LRRC4B: variants seen among roughly 807,000 people sequenced by gnomAD.
LRRC4B encodes the protein leucine-rich repeat-containing protein 4B.
A neutral mutation model predicts 7.3 loss-of-function variants in LRRC4B; 1 was observed. The ratio of observed to expected loss-of-function variants is 0.14; its 90% CI spans 0.05 to 0.65. The LOEUF (loss-of-function observed/expected upper bound fraction) is 0.65. Among genes scored for constraint, LRRC4B ranks in the 30% least tolerant of loss-of-function variants. LRRC4B has a pLI of 0.84. For synonymous variants in LRRC4B, 500 were observed against 499.2 expected (o/e 1.00, Z -0.02); for missense variants, 730 against 1,041.6 (o/e 0.70, Z 4.12).
At position 50,548,815 on chromosome 19, in the gene LRRC4B, C is replaced by A; in HGVS notation, c.24G>T (p.Pro8=). The A allele has an allele frequency of 2.2e-6, 3 of 1,350,488 alleles. No homozygotes were observed. Among genetic ancestry groups the A allele is most frequent in the Non-Finnish European group, 2.9e-6 (3 of 1,038,734 alleles). 83.7% of individuals were successfully genotyped at this position (1,350,488 alleles called of 1,614,324 possible). A position where few individuals can be genotyped will look rare whatever the true frequency, so the allele number is the denominator to read the frequency against. Residue 8 remains proline, a synonymous_variant, in exon 2 of 3, where the codon CCG becomes CCT. Transcript: ENST00000652263. This position sits in a 1 kb window ranked among gnomAD's most constrained non-coding sequence, Gnocchi z 6.8. MARARGS[P]CPPLPPGRMS... ...TCCTACCGGGCGGCAGCGGGGGGCA[C>A]GGGGAGCCGCGGGCACGCGCCATCC...
At chr19:50,528,051 CTCTT>C (rs773820975) in intron 2 of LRRC4B, among the ~76,000 whole-genome samples, 21 of 151,774 alleles carry the variant, frequency 1.4e-4, no homozygotes, top group Non-Finnish European at 2.4e-4. Flanking sequence ...CTCTCTCTCT[CTCTT>C]TCTTTCTGAC....
At chr19:50,567,213 C>G (rs1262672918) in intron 1 of LRRC4B, among the ~76,000 whole-genome samples, 1 of 151,072 alleles carries the variant, frequency 6.6e-6, no homozygotes, top group Non-Finnish European at 1.5e-5. Context: ...TGGAGAGACA[C>G]GTGCCCAAGG....
chr19:50,541,781 A>T (rs1291648611), intron 2 of LRRC4B, among the ~76,000 whole-genome samples: 1 of 152,142 alleles, frequency 6.6e-6, no homozygotes, highest in African/African-American at 2.4e-5. Context: ...CCCTCTGGGT[A>T]TATATTCCAC....
rs1355707383 is a variant in LRRC4B at position 50,537,251 on chromosome 19, G to A, written c.297+11291C>T. Among the ~76,000 whole-genome samples, 6 of 152,216 alleles carry A rather than the reference G, an allele frequency of 3.9e-5. No homozygotes were observed. Among genetic ancestry groups the A allele is most frequent in the Admixed American group, 3.3e-4 (5 of 15,286 alleles). ...ACTAACCATGGGACCAGGACCGTTT[G>A]CAAGTGTCTTAACTCTCCTATGCCT... On this transcript the variant is annotated intron_variant, in intron 2 of 2. Transcript: ENST00000652263. The surrounding 1 kb of genome is among the most constrained non-coding windows in gnomAD (Gnocchi z 5.5).
chr19:50,517,466 A>T lies in LRRC4B; in HGVS notation c.*105T>A. 9.3e-7 allele frequency: 1 copy of T among 1,070,416 alleles called. No homozygotes were observed. The highest frequency in any genetic ancestry group is 1.2e-6 in the Non-Finnish European group (1 of 822,362). 66.3% of individuals were successfully genotyped at this position (1,070,416 alleles called of 1,614,324 possible). A position where few individuals can be genotyped will look rare whatever the true frequency, so the allele number is the denominator to read the frequency against. On this transcript the variant is annotated 3_prime_UTR_variant, in exon 3 of 3. Coordinates refer to ENST00000652263, the MANE Select transcript of LRRC4B (RefSeq NM_001080457.2). The surrounding 1 kb of genome is among the most constrained non-coding windows in gnomAD (Gnocchi z 6.6). Reference sequence around the variant, plus strand: ...TCTCCCCAATTCCCTGCGTGGTCCCAGAAGGTGGGCTGGGCTGTGGGAGGG... The same window carrying T: ...TCTCCCCAATTCCCTGCGTGGTCCCTGAAGGTGGGCTGGGCTGTGGGAGGG...
intron 2 of LRRC4B, among the ~76,000 whole-genome samples, chr19:50,538,293 C>G (rs758709694): frequency 2.2e-4 from 33 of 152,104 alleles, no homozygotes; most frequent in Middle Eastern, 3.2e-3. Flanking sequence ...CAATTCCTGA[C>G]CTCAGGTGAT....
chr19:50,543,666 A>G (rs1404833528), intron 2 of LRRC4B, among the ~76,000 whole-genome samples: 1 of 151,558 alleles, frequency 6.6e-6, no homozygotes, highest in Non-Finnish European at 1.5e-5. Flanking sequence ...AGCCGGGTCA[A>G]TATGGTGAAA....
chr19:50,558,829 C>A (rs1982367882), intron 1 of LRRC4B, among the ~76,000 whole-genome samples: 1 of 152,218 alleles, frequency 6.6e-6, no homozygotes, highest in Non-Finnish European at 1.5e-5. Context: ...TTGGCCCTGC[C>A]CAGCTACCTC....
At chr19:50,538,449 A>G (rs1008850166) in intron 2 of LRRC4B, among the ~76,000 whole-genome samples, 2 of 152,112 alleles carry the variant, frequency 1.3e-5, no homozygotes, top group African/African-American at 4.8e-5. Context: ...TGGAGGGATC[A>G]GCCGCCTGGA....
chr19:50,522,055 G>A (rs1011807799), intron 2 of LRRC4B, among the ~76,000 whole-genome samples: 26 of 152,080 alleles, frequency 1.7e-4, no homozygotes, highest in African/African-American at 6.3e-4. Context: ...GCATGCACCT[G>A]TGGTCCCAGC....
intron 2 of LRRC4B, among the ~76,000 whole-genome samples, chr19:50,528,680 T>G (rs2122808249): frequency 6.6e-6 from 1 of 152,176 alleles, no homozygotes; most frequent in Middle Eastern, 3.4e-3. Flanking sequence ...CTTGTCTAAC[T>G]TCCCAGAGTG....
In LRRC4B at chr19:50,520,236, AAAAAAAAAAAAGAAG is replaced by A. The variant is rs1980509886; in HGVS notation, c.298-836_298-822del. ...AAAAAAAAAAAAAAAAAAAAAAAAAAAAAAAAAAAAAGAAGAAAAGAAAAGAAAAATGAACAAACA... is the reference window on the plus strand; with the variant it reads ...AAAAAAAAAAAAAAAAAAAAAAAAAAAAAAGAAAAGAAAAATGAACAAACA... On this transcript the variant is annotated intron_variant, in intron 2 of 2. Transcript: ENST00000652263. Among the ~76,000 whole-genome samples, 5 of 66,752 alleles carry A rather than the reference AAAAAAAAAAAAGAAG, an allele frequency of 7.5e-5. 2 individuals are homozygous for A. The highest frequency in any genetic ancestry group is 1.9e-4 in the African/African-American group (3 of 15,530). 43.8% of individuals were successfully genotyped at this position (66,752 alleles called of 152,430 possible). A position where few individuals can be genotyped will look rare whatever the true frequency, so the allele number is the denominator to read the frequency against.
At chr19:50,549,550 C>A (rs1335606735) in intron 1 of LRRC4B, among the ~76,000 whole-genome samples, 1 of 152,258 alleles carries the variant, frequency 6.6e-6, no homozygotes, top group East Asian at 1.9e-4. Context: ...GGGGGCCTCA[C>A]AGCAGCTTCA....
In LRRC4B at chr19:50,518,344, C is replaced by T; in HGVS notation, c.1369G>A (p.Asp457Asn). 6.2e-7 allele frequency: 1 copy of T among 1,606,068 alleles called. No homozygotes were observed. Among genetic ancestry groups the T allele is most frequent in the South Asian group, 1.1e-5 (1 of 90,448 alleles). ...CCGGTGCCCCCGGCCGCCACGGGGT[C>T]CACGGCCGAGACGTTGAGCGTGGCC... ...ASATLNVSAV[D>N]PVAAGGTGSG... is the part of the protein sequence containing the mutation. The change falls in exon 3 of 3, where the codon GAC becomes AAC. Residue 457 changes from aspartate (D) to asparagine (N), a missense_variant. Coordinates refer to ENST00000652263, the MANE Select transcript of LRRC4B (RefSeq NM_001080457.2).
Position 50,568,275 on chromosome 19 carries a change from C to G in LRRC4B, c.-367G>C, listed in dbSNP as rs1379202832. 6.6e-6 allele frequency among the ~76,000 whole-genome samples: 1 copy of G among 151,782 alleles called. No individual in the cohort carries two copies. The highest frequency in any genetic ancestry group is 2.0e-4 in the East Asian group (1 of 5,050). On this transcript the variant is annotated 5_prime_UTR_variant, in exon 1 of 3. Transcript: ENST00000652263. ...TCTTTCTTTCCTGGCTTCCTTCCTT[C>G]CAGCCTTCCTTCCTTCCTTCCTCCC...
chr19:50,540,246 G>A (rs938975900), intron 2 of LRRC4B, among the ~76,000 whole-genome samples: 1 of 152,186 alleles, frequency 6.6e-6, no homozygotes. Context: ...CTGGTGGGTG[G>A]CCTGTTAGGA....
chr19:50,560,255 T>C (rs1982422047), intron 1 of LRRC4B, among the ~76,000 whole-genome samples: 1 of 152,162 alleles, frequency 6.6e-6, no homozygotes, highest in Non-Finnish European at 1.5e-5. Context: ...GGTCTCTAAG[T>C]GCCCATCTCA....
At chr19:50,542,266 G>GT (rs770219201) in intron 2 of LRRC4B, among the ~76,000 whole-genome samples, 1 of 152,080 alleles carries the variant, frequency 6.6e-6, no homozygotes. Context: ...AGCCGAGGTG[G>GT]TGCACCTTCC....
In LRRC4B at chr19:50,517,718, G is replaced by A. The variant is rs1272604287; in HGVS notation, c.1995C>T (p.Tyr665=). The change falls in exon 3 of 3, where the codon TAC becomes TAT. Residue 665 remains tyrosine, a synonymous_variant. Coordinates refer to ENST00000652263, the MANE Select transcript of LRRC4B (RefSeq NM_001080457.2). This position sits in a 1 kb window ranked among gnomAD's most constrained non-coding sequence, Gnocchi z 6.6. ...AGTGCGCCTTGAAGGCGGCAGCCAC[G>A]TAGTGGTGGTGGTTGAGGTGGTCTC... ...LERDHLNHHH[Y]VAAAFKAHYS... 3.9e-6 allele frequency: 6 copies of A among 1,553,374 alleles called. No homozygotes were observed. The highest frequency in any genetic ancestry group is 1.2e-5 in the South Asian group (1 of 83,722).
Sources: allele counts gnomAD v4.1 joint callset (sites outside exome capture counted in the v4.1 genomes callset), GRCh38; gene constraint gnomAD v4.1.1; non-coding constraint Gnocchi (gnomAD v3.1); transcripts MANE v1.5; gene names NCBI Gene and HGNC (gene_info 2026-07-23, HGNC 2026-07-21).